The following GRK3 variants were observed in gnomAD, a reference collection of about 807,000 sequenced individuals.
GRK3 encodes G protein-coupled receptor kinase 3.
A neutral mutation model predicts 95.7 loss-of-function variants in GRK3; 54 were observed. That is an observed-to-expected ratio of 0.56 (90% confidence interval 0.45 to 0.71). The LOEUF (loss-of-function observed/expected upper bound fraction) is 0.71. GRK3 is among the 30% of genes least tolerant of loss of function. The probability of loss-of-function intolerance (pLI) is 0.00; values close to 1 mark genes in which losing one functional copy is unlikely to be tolerated. For missense variants in GRK3, 649 were observed against 851.2 expected, an observed-to-expected ratio of 0.76 and a Z score of 2.96; for synonymous variants, 281 against 290.8, an observed-to-expected ratio of 0.97 and a Z score of 0.34.
chr22:25,696,599 A>G (rs1032085774), intron 13 of GRK3, among the ~76,000 whole-genome samples: 3 of 152,216 alleles, frequency 2.0e-5, no homozygotes, highest in Non-Finnish European at 2.9e-5. Flanking sequence ...ATATTTTCAT[A>G]TGAACACAGT....
intron 12 of GRK3, among the ~76,000 whole-genome samples, chr22:25,691,856 A>G (rs2085167136): frequency 6.6e-6 from 1 of 152,212 alleles, no homozygotes; most frequent in Non-Finnish European, 1.5e-5. Flanking sequence ...GGATAGTACA[A>G]TATTTGAACA....
rs866462984 is a variant in GRK3 at position 25,579,585 on chromosome 22, G to A, written c.113+14432G>A. On this transcript the variant is annotated intron_variant, in intron 1 of 20. Coordinates refer to ENST00000324198, the MANE Select transcript of GRK3 (RefSeq NM_005160.4). ...TCTCCCGGGTTCACGGCATTCTCCT[G>A]CCTCAGCCTCCTGAGTAGCTGGGAC... is the stretch of plus-strand genomic sequence containing the variant. Among the ~76,000 whole-genome samples the A allele has an allele frequency of 1.1e-4, 16 of 151,918 alleles. No individual in the cohort carries two copies. In the South Asian group the frequency reaches 3.1e-3, roughly 30 times the overall value.
chr22:25,609,997 G>A (rs553988445), intron 2 of GRK3, among the ~76,000 whole-genome samples: 409 of 151,648 alleles, frequency 2.7e-3, no homozygotes, highest in African/African-American at 9.4e-3. Flanking sequence ...ACAGGCACAC[G>A]CCACCATGCC....
chr22:25,715,948 T>A (rs2085380547), intron 18 of GRK3, among the ~76,000 whole-genome samples: 1 of 152,196 alleles, frequency 6.6e-6, no homozygotes, highest in Non-Finnish European at 1.5e-5. Flanking sequence ...TTAACTCTGT[T>A]TACCTCAATT....
intron 1 of GRK3, among the ~76,000 whole-genome samples, chr22:25,598,438 G>A (rs1268143819): frequency 6.6e-6 from 1 of 152,090 alleles, no homozygotes; most frequent in East Asian, 1.9e-4. Context: ...TTGGGAGTCT[G>A]AGCCGGGAGG....
intron 6 of GRK3, among the ~76,000 whole-genome samples, chr22:25,671,599 A>T (rs9613003): frequency 6.6e-6 from 1 of 151,904 alleles, no homozygotes; most frequent in African/African-American, 2.4e-5. Flanking sequence ...CCACTCTCCC[A>T]CTCTGTCACT....
chr22:25,662,551 T>C (rs1341251059), intron 4 of GRK3, among the ~76,000 whole-genome samples: 2 of 152,218 alleles, frequency 1.3e-5, no homozygotes, highest in Non-Finnish European at 2.9e-5. Flanking sequence ...TCATTGTTTA[T>C]GTACAGTTCT....
At chr22:25,580,278 G>A (rs959058000) in intron 1 of GRK3, 1 of 152,142 alleles carries the variant, frequency 6.6e-6, no homozygotes, top group Non-Finnish European at 1.5e-5. Flanking sequence ...AATCCCAGAA[G>A]AGATTTAAGA....
intron 15 of GRK3, among the ~76,000 whole-genome samples, chr22:25,707,761 A>G (rs894995809): frequency 6.6e-6 from 1 of 152,188 alleles, no homozygotes; most frequent in African/African-American, 2.4e-5. Context: ...AGTTCATTGA[A>G]GAAGATGACT....
intron 17 of GRK3, 93 bp downstream of exon 17, chr22:25,711,256 TGTTTATA>T: frequency 1.4e-6 from 1 of 727,168 alleles, no homozygotes; most frequent in Non-Finnish European, 2.2e-6. Flanking sequence ...AATATTGGGC[TGTTTATA>T]GTATTTAACT....
At chr22:25,658,611 G>A (rs772635442) in intron 3 of GRK3, among the ~76,000 whole-genome samples, 2 of 152,058 alleles carry the variant, frequency 1.3e-5, no homozygotes, top group Admixed American at 6.6e-5. Context: ...AGTGCTTATT[G>A]TCTATGTGTC....
chr22:25,705,931 C>G (rs938368031), intron 15 of GRK3, among the ~76,000 whole-genome samples: 1 of 152,166 alleles, frequency 6.6e-6, no homozygotes, highest in Non-Finnish European at 1.5e-5. Flanking sequence ...GGTTACCACT[C>G]GCGATGGCAG....
intron 5 of GRK3, among the ~76,000 whole-genome samples, chr22:25,664,252 C>CCTAT (rs2146403969): frequency 6.6e-6 from 1 of 152,236 alleles, no homozygotes; most frequent in East Asian, 1.9e-4. Flanking sequence ...AACTAATAGG[C>CCTAT]CTATGTATTT....
chr22:25,583,067 T>C (rs572670995), intron 1 of GRK3, among the ~76,000 whole-genome samples: 18 of 152,334 alleles, frequency 1.2e-4, no homozygotes, highest in Admixed American at 5.9e-4. Flanking sequence ...AGATAGCGCA[T>C]ACTTACTAAA....
chr22:25,717,694 C>T (rs1385141385), intron 18 of GRK3, among the ~76,000 whole-genome samples: 3 of 152,080 alleles, frequency 2.0e-5, no homozygotes, highest in South Asian at 4.2e-4. Flanking sequence ...AATCAGGACT[C>T]AACAATGTCT....
At chr22:25,600,762 G>A (rs1350357002) in intron 1 of GRK3, among the ~76,000 whole-genome samples, 1 of 152,140 alleles carries the variant, frequency 6.6e-6, no homozygotes, top group Non-Finnish European at 1.5e-5. Context: ...ACTATCTGTT[G>A]TAAACTGGAA....
intron 2 of GRK3, among the ~76,000 whole-genome samples, chr22:25,625,571 G>A (rs1210499127): frequency 6.6e-6 from 1 of 152,102 alleles, no homozygotes; most frequent in Non-Finnish European, 1.5e-5. Flanking sequence ...CCCTTCCCCC[G>A]GGGAAGTTTA....
chr22:25,621,299 C>T (rs564762630), intron 2 of GRK3, among the ~76,000 whole-genome samples: 8 of 152,358 alleles, frequency 5.3e-5, no homozygotes, highest in Non-Finnish European at 1.0e-4. Context: ...TTTATTTTCC[C>T]AAACAAAGAA....
chr22:25,722,171 C>A, intron 20 of GRK3, 118 bp from the exon 21 acceptor site: 4 of 1,104,406 alleles, frequency 3.6e-6, no homozygotes, highest in African/African-American at 1.5e-5. Flanking sequence ...TGGGGGTGGA[C>A]ACGTAGGGTG....
Sources: allele counts gnomAD v4.1 joint callset (sites outside exome capture counted in the v4.1 genomes callset), GRCh38; gene constraint gnomAD v4.1.1; transcripts MANE v1.5; gene names NCBI Gene and HGNC (gene_info 2026-07-23, HGNC 2026-07-21).